Variants in AVEN observed in about 807,000 individuals in gnomAD.
The protein encoded by AVEN is cell death regulator Aven.
Under a neutral mutation model 38.1 loss-of-function variants are expected in AVEN, and 41 were observed. That is an observed-to-expected ratio of 1.08 (90% CI 0.84 to 1.40). The LOEUF (loss-of-function observed/expected upper bound fraction) is 1.40. Among genes scored for constraint, AVEN ranks in the 40% most tolerant of loss-of-function variants. The pLI is 0.00. For missense variants in AVEN, 605 were observed against 438.8 expected, an observed-to-expected ratio of 1.38 and a Z score of -3.38; for synonymous variants, 206 against 171.8, an observed-to-expected ratio of 1.20 and a Z score of -1.56.
At chr15:33,864,739 A>C (rs759584715), downstream of AVEN, 10 of 190,522 alleles carry the variant, frequency 5.2e-5, no homozygotes, top group Non-Finnish European at 9.8e-5. Flanking sequence ...CAGTTCACTC[A>C]TTCAATGGGA....
the AVEN span, chr15:33,852,750 C>T: frequency 0.12 from 34,821 of 294,192 alleles, 3,128 homozygotes; most frequent in East Asian, 0.3. Context: ...TAGAAACATA[C>T]AACTGTCTCT....
At chr15:33,973,794 TG>T (rs1555511945) in intron 2 of AVEN, among the ~76,000 whole-genome samples, 2 of 152,254 alleles carry the variant, frequency 1.3e-5, no homozygotes, top group Non-Finnish European at 2.9e-5. Flanking sequence ...CTAATTTATC[TG>T]TCTATTCCCA....
Position 33,867,597 on chromosome 15 carries a change from T to A in AVEN, c.871A>T (p.Asn291Tyr), listed in dbSNP as rs750167381. The change falls in exon 5 of 6, where the codon AAT (asparagine) becomes TAT (tyrosine). Residue 291 changes from asparagine (N) to tyrosine (Y), a missense_variant. By Grantham distance (143) the Asn-to-Tyr change is moderately radical. Coordinates refer to ENST00000306730, the MANE Select transcript of AVEN (RefSeq NM_020371.3). ...CCCTCTTTTATAGGTGCATCTAAAT[T>A]AAGCAACAGATCTAGTTCTTCTTCC... ...HLEEELDLLL[N>Y]LDAPIKEGDN... is the part of the protein sequence containing the mutation. The A allele has an allele frequency of 6.2e-7, 1 of 1,614,214 alleles. No homozygotes were observed. Among genetic ancestry groups the A allele is most frequent in the Admixed American group, 1.7e-5 (1 of 60,028 alleles).
intron 1 of AVEN, among the ~76,000 whole-genome samples, chr15:34,016,540 A>G (rs1897920807): frequency 1.3e-5 from 2 of 152,048 alleles, no homozygotes; most frequent in East Asian, 3.9e-4. Context: ...TCTCAGCAAT[A>G]TTTATCTCCT....
At chr15:33,862,980 A>G (rs1343949016), downstream of AVEN, among the ~76,000 whole-genome samples, 1 of 152,194 alleles carries the variant, frequency 6.6e-6, no homozygotes, top group African/African-American at 2.4e-5. Flanking sequence ...TTTATCATCA[A>G]TTCCCATTAA....
At chr15:33,935,688 T>C (rs1289540664) in intron 2 of AVEN, among the ~76,000 whole-genome samples, 3 of 152,220 alleles carry the variant, frequency 2.0e-5, no homozygotes, top group Admixed American at 2.0e-4. Flanking sequence ...TGTGTATGAA[T>C]TGTTTAAGTG....
intron 1 of AVEN, among the ~76,000 whole-genome samples, chr15:34,010,849 A>G (rs1377639490): frequency 1.3e-5 from 2 of 152,248 alleles, no homozygotes; most frequent in African/African-American, 4.8e-5. Flanking sequence ...ACTGATTAAT[A>G]GTTAATTGCC....
chr15:33,942,731 G>A (rs1011790344), intron 2 of AVEN, among the ~76,000 whole-genome samples: 13 of 152,170 alleles, frequency 8.5e-5, no homozygotes, highest in African/African-American at 3.1e-4. Context: ...GATTACAGGC[G>A]TGAGCCACCG....
chr15:34,049,164 A>G (rs1470279706), intron 5 of AVEN, among the ~76,000 whole-genome samples: 2 of 152,224 alleles, frequency 1.3e-5, no homozygotes, highest in Admixed American at 1.3e-4. Flanking sequence ...AAATGACTGC[A>G]CACCTCTCCA....
At chr15:33,922,441 T>TTA (rs10659080) in intron 2 of AVEN, among the ~76,000 whole-genome samples, 103,521 of 151,708 alleles carry the variant, frequency 0.68, 35,530 homozygotes, top group East Asian at 0.81. Context: ...ACACTTTTTT[T>TTA]TCTCTTATTT....
Position 34,038,895 on chromosome 15 carries a change from C to G in AVEN, c.152G>C (p.Arg51Pro). ...GAAGCCCCGGCCACGGCCACGGCCC[C>G]GGCGTCCGCCTCCGTCCCCGCCGCC... ...GGGGGDGGGRRGRGRGRGFRG... is the reference protein window; with the variant it reads ...GGGGGDGGGRPGRGRGRGFRG... The change falls in exon 1 of 6, where the codon CGG (arginine) becomes CCG (proline). Residue 51 changes from arginine (R) to proline (P), a missense_variant. Transcript: ENST00000306730. 1 of 1,132,260 alleles carries G rather than the reference C, an allele frequency of 8.8e-7. No homozygotes were observed. The highest frequency in any genetic ancestry group is 1.1e-6 in the Non-Finnish European group (1 of 928,992). 70.1% of individuals were successfully genotyped at this position (1,132,260 alleles called of 1,614,324 possible).
At chr15:33,979,723 T>A (rs1390320106) in intron 2 of AVEN, among the ~76,000 whole-genome samples, 1 of 152,228 alleles carries the variant, frequency 6.6e-6, no homozygotes, top group Non-Finnish European at 1.5e-5. Flanking sequence ...TCATAACATG[T>A]CAGCTTTACT....
rs1385363833 is a variant in AVEN at position 34,061,850 on chromosome 15, T to C, written n.1637+1072A>G. Reference sequence around the variant, plus strand: ...AAGGAGAGGTGGTATAATATGGTCTTGGCTCACAACGGCACCTCAGTAATG... The same window carrying C: ...AAGGAGAGGTGGTATAATATGGTCTCGGCTCACAACGGCACCTCAGTAATG... On this transcript the variant is annotated intron_variant and non_coding_transcript_variant, in intron 5 of 11. Transcript: ENST00000675287. Among the ~76,000 whole-genome samples the C allele has an allele frequency of 4.6e-5, 7 of 152,304 alleles. No homozygotes were observed. The South Asian group carries it at 1.2e-3, about 27-fold the overall frequency.
At position 34,038,870 on chromosome 15, in the gene AVEN, G is replaced by A. The variant is rs1406462322; in HGVS notation, c.177C>T (p.Phe59=). The A allele has an allele frequency of 1.9e-5, 22 of 1,149,494 alleles. No individual in the cohort carries two copies. The highest frequency in any genetic ancestry group is 2.0e-5 in the Non-Finnish European group (19 of 939,062). The allele number at this position is 1,149,494 out of a possible 1,614,324, so 71.2% of individuals were successfully genotyped here. Residue 59 remains phenylalanine (F), a synonymous_variant, in exon 1 of 6, where the codon TTC becomes TTT. Coordinates refer to ENST00000306730, the MANE Select transcript of AVEN (RefSeq NM_020371.3). ...GRRGRGRGRG[F]RGARGGRGGG... ...CTCCTCGGCCTCCGCGAGCGCCGCG[G>A]AAGCCCCGGCCACGGCCACGGCCCC...
At chr15:33,857,965 G>A (rs202238824), downstream of AVEN, 377 of 1,604,898 alleles carry the variant, frequency 2.3e-4, no homozygotes, top group Middle Eastern at 4.2e-3. Flanking sequence ...GGGCCACCCC[G>A]CCCCACCACC....
intron 1 of AVEN, among the ~76,000 whole-genome samples, chr15:34,025,771 T>TG (rs1898436753): frequency 6.6e-6 from 1 of 152,094 alleles, no homozygotes; most frequent in African/African-American, 2.4e-5. Flanking sequence ...TGTGTGTGTG[T>TG]TTGTGTGTGT....
intron 1 of AVEN, among the ~76,000 whole-genome samples, chr15:34,026,184 A>AT (rs989807922): frequency 1.7e-3 from 257 of 149,774 alleles, no homozygotes; most frequent in African/African-American, 5.4e-3. Flanking sequence ...ACATATTGTC[A>AT]TTTTTTTTTT....
At chr15:33,947,849 A>C (rs1032032348) in intron 2 of AVEN, among the ~76,000 whole-genome samples, 1 of 152,198 alleles carries the variant, frequency 6.6e-6, no homozygotes, top group African/African-American at 2.4e-5. Flanking sequence ...AAGTCATTTG[A>C]AACAAAAATT....
At chr15:34,015,289 T>C (rs1171076013) in intron 1 of AVEN, among the ~76,000 whole-genome samples, 3 of 152,000 alleles carry the variant, frequency 2.0e-5, no homozygotes, top group African/African-American at 4.8e-5. Context: ...CGAGACCATC[T>C]TGGCTAACAC....
Sources: allele counts gnomAD v4.1 joint callset (sites outside exome capture counted in the v4.1 genomes callset), GRCh38; gene constraint gnomAD v4.1.1; transcripts MANE v1.5; gene names NCBI Gene and HGNC (gene_info 2026-07-23, HGNC 2026-07-21).